The following RFX4 variants were observed in gnomAD, a reference collection of about 807,000 sequenced individuals.
RFX4 encodes transcription factor RFX4.
A neutral mutation model predicts 95.0 loss-of-function variants in RFX4; 10 were observed. The ratio of observed to expected loss-of-function variants is 0.11; its 90% CI spans 0.06 to 0.18. The LOEUF is 0.18. Among genes scored for constraint, RFX4 ranks in the 10% least tolerant of loss-of-function variants. The pLI is 1.00. For missense variants in RFX4, 640 were observed against 922.0 expected (o/e 0.69, Z 3.96); for synonymous variants, 321 against 340.7 (o/e 0.94, Z 0.64).
Position 106,687,004 on chromosome 12 carries a change from G to A in RFX4, c.498G>A (p.Val166=), listed in dbSNP as rs1307583687. The A allele has an allele frequency of 6.2e-7, 1 of 1,613,952 alleles. No individual in the cohort carries two copies. The highest frequency in any genetic ancestry group is 2.2e-5 in the East Asian group (1 of 44,876). ...TGKKEVSKQT[V]AYSPRSKLGT... is the part of the protein sequence containing the mutation. Reference sequence around the variant, plus strand: ...AGAAAGAAGTGAGCAAACAGACAGTGGCATATTCACCCCGGTCCAAACTCG... The same window carrying A: ...AGAAAGAAGTGAGCAAACAGACAGTAGCATATTCACCCCGGTCCAAACTCG... Residue 166 remains valine, a synonymous_variant, in exon 6 of 18, where the codon GTG becomes GTA. Coordinates refer to ENST00000392842, the MANE Select transcript of RFX4 (RefSeq NM_213594.3).
At chr12:106,759,330 A>T (rs1566010987) in intron 17 of RFX4, among the ~76,000 whole-genome samples, 1 of 150,454 alleles carries the variant, frequency 6.6e-6, no homozygotes, top group Non-Finnish European at 1.5e-5. Flanking sequence ...ATGCCATGGG[A>T]CCAGAAGGGA....
intron 9 of RFX4, 42 bp from the exon 10 acceptor site, chr12:106,711,411 A>G (rs745775091): frequency 1.3e-6 from 2 of 1,568,512 alleles, no homozygotes; most frequent in South Asian, 1.1e-5. Flanking sequence ...TTAGAATCAT[A>G]AAGCATGCAA....
chr12:106,610,532 C>T (rs1190459487), intron 2 of RFX4, among the ~76,000 whole-genome samples: 1 of 152,182 alleles, frequency 6.6e-6, no homozygotes, highest in African/African-American at 2.4e-5. Context: ...TTTGACTGCT[C>T]TAAGTATCTT....
intron 8 of RFX4, among the ~76,000 whole-genome samples, chr12:106,700,793 C>A (rs1261696204): frequency 6.6e-6 from 1 of 152,118 alleles, no homozygotes; most frequent in African/African-American, 2.4e-5. Context: ...ACAGTATACT[C>A]CCTATTTGTC....
chr12:106,674,084 C>T (rs1428961065), intron 4 of RFX4, among the ~76,000 whole-genome samples: 1 of 152,214 alleles, frequency 6.6e-6, no homozygotes, highest in African/African-American at 2.4e-5. Flanking sequence ...AGCCCCCAGA[C>T]CTCTCCTCCT....
intron 16 of RFX4, among the ~76,000 whole-genome samples, chr12:106,749,976 A>G (rs1191055602): frequency 6.6e-6 from 1 of 152,180 alleles, no homozygotes; most frequent in Non-Finnish European, 1.5e-5. Context: ...TGTTATCCCT[A>G]TTTGATTTCA....
chr12:106,703,087 A>G (rs2137472000), intron 8 of RFX4, among the ~76,000 whole-genome samples: 1 of 152,164 alleles, frequency 6.6e-6, no homozygotes, highest in African/African-American at 2.4e-5. Context: ...AGCAAAATTT[A>G]TTTCACCCAC....
intron 15 of RFX4, among the ~76,000 whole-genome samples, chr12:106,740,640 G>A (rs2042789201): frequency 3.3e-5 from 5 of 152,116 alleles, no homozygotes; most frequent in Non-Finnish European, 7.4e-5. Context: ...GTACAGAAGT[G>A]AAAAAGAGTA....
chr12:106,704,145 C>T (rs990884120), intron 8 of RFX4, among the ~76,000 whole-genome samples: 9 of 150,684 alleles, frequency 6.0e-5, no homozygotes, highest in Non-Finnish European at 2.9e-5. Flanking sequence ...AGTCAGGACT[C>T]GAATATTCAT....
In RFX4 at chr12:106,747,483, G is replaced by A. The variant is rs779148172; in HGVS notation, c.1680G>A (p.Thr560=). 1.1e-5 allele frequency: 17 copies of A among 1,613,990 alleles called. No homozygotes were observed. In the South Asian group the frequency reaches 1.3e-4, roughly 13 times the overall value. The change falls in exon 16 of 18, where the codon ACG becomes ACA. Residue 560 remains threonine (T), a synonymous_variant. Coordinates refer to ENST00000392842, the MANE Select transcript of RFX4 (RefSeq NM_213594.3). ...YTWSLTYTVT[T]AAGSPAENSQ... ...GGTCTCTAACATACACAGTGACGAC[G>A]GCTGCTGGGTCCCCAGCTGAGAACT...
intron 2 of RFX4, among the ~76,000 whole-genome samples, chr12:106,615,742 T>C (rs2040059178): frequency 6.6e-6 from 1 of 152,212 alleles, no homozygotes; most frequent in African/African-American, 2.4e-5. Flanking sequence ...TCAATGCTAA[T>C]GTAAGTAGTA....
At chr12:106,688,468 C>T (rs2041712714) in intron 6 of RFX4, among the ~76,000 whole-genome samples, 2 of 152,028 alleles carry the variant, frequency 1.3e-5, no homozygotes, top group Admixed American at 6.6e-5. Flanking sequence ...ATCTGGGATG[C>T]AGTGAAGAAT....
At chr12:106,602,268 G>C (rs1232028962) in intron 1 of RFX4, among the ~76,000 whole-genome samples, 1 of 152,228 alleles carries the variant, frequency 6.6e-6, no homozygotes, top group African/African-American at 2.4e-5. Context: ...ATAAATGCCA[G>C]ACATCACCAT....
intron 13 of RFX4, among the ~76,000 whole-genome samples, chr12:106,725,884 AAACTT>A (rs1441742595): frequency 6.6e-6 from 1 of 152,226 alleles, no homozygotes. Flanking sequence ...AAGTTTAACT[AAACTT>A]ATAAAAAATG....
At chr12:106,704,996 G>A (rs2042056955) in intron 8 of RFX4, among the ~76,000 whole-genome samples, 1 of 152,182 alleles carries the variant, frequency 6.6e-6, no homozygotes, top group African/African-American at 2.4e-5. Flanking sequence ...AGTGCACAAT[G>A]TGGTACTTTC....
At chr12:106,600,489 A>G (rs956452385) in intron 1 of RFX4, among the ~76,000 whole-genome samples, 2 of 152,138 alleles carry the variant, frequency 1.3e-5, no homozygotes, top group East Asian at 1.9e-4. Flanking sequence ...AGAACTGTCT[A>G]TCGAGGCTGT....
intron 11 of RFX4, among the ~76,000 whole-genome samples, chr12:106,719,071 G>A (rs985700788): frequency 2.0e-5 from 3 of 151,982 alleles, no homozygotes; most frequent in Non-Finnish European, 4.4e-5. Flanking sequence ...GCAGTGAGCC[G>A]AGATTGCGCC....
At chr12:106,610,789 C>A (rs1254961429) in intron 2 of RFX4, among the ~76,000 whole-genome samples, 1 of 152,156 alleles carries the variant, frequency 6.6e-6, no homozygotes, top group Non-Finnish European at 1.5e-5. Flanking sequence ...ATACAAATAT[C>A]TTTTCAAGTC....
intron 2 of RFX4, among the ~76,000 whole-genome samples, chr12:106,612,153 C>T (rs1033625044): frequency 4.6e-5 from 7 of 152,066 alleles, no homozygotes; most frequent in Non-Finnish European, 8.8e-5. Context: ...AAATATGCCA[C>T]TCGGGTTTTG....
Sources: allele counts gnomAD v4.1 joint callset (sites outside exome capture counted in the v4.1 genomes callset), GRCh38; gene constraint gnomAD v4.1.1; transcripts MANE v1.5; gene names NCBI Gene and HGNC (gene_info 2026-07-23, HGNC 2026-07-21).